The following ATP9B variants were observed in gnomAD, a reference collection of about 807,000 sequenced individuals.
ATP9B encodes probable phospholipid-transporting ATPase IIB.
In ATP9B, 110 loss-of-function variants were observed where a neutral mutation model predicts 146.1. The ratio of observed to expected loss-of-function variants is 0.75; its 90% CI spans 0.65 to 0.88. The LOEUF (loss-of-function observed/expected upper bound fraction) is 0.88. ATP9B is among the 40% of genes least tolerant of loss of function. The pLI is 0.00. For missense variants in ATP9B, 1,499 were observed against 1,496.4 expected (o/e 1.00, Z -0.03); for synonymous variants, 604 against 569.7 (o/e 1.06, Z -0.86).
chr18:79,197,542 T>C (rs7236253), intron 9 of ATP9B, among the ~76,000 whole-genome samples: 22 of 151,890 alleles, frequency 1.4e-4, no homozygotes, highest in Non-Finnish European at 2.8e-4. Context: ...GTAAGTTTTT[T>C]AAAAAATACT....
intron 26 of ATP9B, among the ~76,000 whole-genome samples, chr18:79,366,117 G>A (rs191507394): frequency 1.3e-5 from 2 of 152,320 alleles, no homozygotes; most frequent in South Asian, 2.1e-4. Context: ...TCTTTTTACC[G>A]GACACCTGGG....
intron 9 of ATP9B, 23 bp downstream of exon 9, chr18:79,193,286 T>C: frequency 1.9e-6 from 3 of 1,541,484 alleles, no homozygotes; most frequent in Non-Finnish European, 2.7e-6. Flanking sequence ...TGTTGTTCAA[T>C]ACAAATAGAG....
chr18:79,256,134 A>G (rs991729477), intron 12 of ATP9B, among the ~76,000 whole-genome samples: 1 of 151,334 alleles, frequency 6.6e-6, no homozygotes, highest in African/African-American at 2.4e-5. Flanking sequence ...AATATCATGT[A>G]TGTGCTTTAC....
intron 9 of ATP9B, among the ~76,000 whole-genome samples, chr18:79,203,752 A>G (rs868538536): frequency 9.9e-5 from 15 of 152,236 alleles, no homozygotes; most frequent in Admixed American, 3.9e-4. Context: ...TGTATGCTCA[A>G]TTGGCTGTGC....
intron 11 of ATP9B, among the ~76,000 whole-genome samples, chr18:79,221,285 C>T (rs1319852443): frequency 3.3e-5 from 5 of 152,208 alleles, no homozygotes; most frequent in African/African-American, 4.8e-5. Context: ...TTCATGTCCT[C>T]CTGCAGGACA....
rs886323090 is a variant in ATP9B at position 79,231,770 on chromosome 18, G to A, written c.1107+17732G>A. On this transcript the variant is annotated intron_variant, in intron 11 of 29. Transcript: ENST00000426216. The stretch of plus-strand genomic sequence containing the variant: ...ATCAACGAGTAGATAAAGAAAATGT[G>A]TGTGTGTGTATATATATATATATAT... 9.7e-5 allele frequency among the ~76,000 whole-genome samples: 8 copies of A among 82,882 alleles called. No homozygotes were observed. In the South Asian group the frequency reaches 2.4e-3, roughly 25 times the overall value. The allele number at this position is 82,882 out of a possible 152,430, so 54.4% of individuals were successfully genotyped here. A position where few individuals can be genotyped will look rare whatever the true frequency, so the allele number is the denominator to read the frequency against.
intron 17 of ATP9B, 63 bp downstream of exon 17, chr18:79,330,167 T>C (rs1344733828): frequency 1.4e-6 from 2 of 1,443,892 alleles, no homozygotes. Context: ...TGTGAGTGAC[T>C]CTCAGCCTGG....
rs144915144 is a variant in ATP9B at position 79,218,709 on chromosome 18, C to T, written c.1107+4671C>T. Among the ~76,000 whole-genome samples the T allele has an allele frequency of 1.7e-3, 255 of 152,342 alleles. 1 individual carries two copies. The highest frequency in any genetic ancestry group is 8.1e-3 in the South Asian group (39 of 4,830). ...GGTCACTCAGGGCCTGTCTTGGAAA[C>T]ACATTTCCATGACCACTGGGATAAG... On this transcript the variant is annotated intron_variant, in intron 11 of 29. Coordinates refer to ENST00000426216, the MANE Select transcript of ATP9B (RefSeq NM_198531.5).
chr18:79,359,535 G>A (rs1245861412), intron 26 of ATP9B, 73 bp downstream of exon 26: 1 of 1,169,964 alleles, frequency 8.5e-7, no homozygotes, highest in African/African-American at 1.5e-5. Flanking sequence ...GTGAGAAACA[G>A]GCCAGTCAGG....
intron 11 of ATP9B, among the ~76,000 whole-genome samples, chr18:79,219,272 G>T (rs2095656139): frequency 6.6e-6 from 1 of 152,112 alleles, no homozygotes; most frequent in Non-Finnish European, 1.5e-5. Flanking sequence ...GAGGGAGCCG[G>T]GTCCAGGGTG....
Position 79,329,162 on chromosome 18 carries a change from G to C in ATP9B, c.1795G>C (p.Glu599Gln), listed in dbSNP as rs1377109690. The change falls in exon 16 of 30, where the codon GAG becomes CAG. Residue 599 changes from glutamate (E) to glutamine (Q), a missense_variant. Transcript: ENST00000426216. Reference protein sequence around the residue: ...PDEVALVQWTESVGLTLVSRD... With the variant: ...PDEVALVQWTQSVGLTLVSRD... ...GTAGGTCGCTCTGGTGCAGTGGACA[G>C]AGAGTGTGGGCCTCACGCTGGTCAG... The C allele has an allele frequency of 6.2e-7, 1 of 1,606,824 alleles. No homozygotes were observed. Among genetic ancestry groups the C allele is most frequent in the African/African-American group, 1.3e-5 (1 of 74,716 alleles).
rs1417819205 is a variant in ATP9B, at chr18:79,367,321, ACGCAGAGAAAG to A, written c.3013-5503_3013-5493del. 2.6e-4 allele frequency among the ~76,000 whole-genome samples: 36 copies of A among 137,316 alleles called. 12 individuals carry two copies. The highest frequency in any genetic ancestry group is 8.1e-4 in the African/African-American group (29 of 35,872). The allele number at this position is 137,316 out of a possible 152,430, so 90.1% of individuals were successfully genotyped here. A position where few individuals can be genotyped will look rare whatever the true frequency, so the allele number is the denominator to read the frequency against. On this transcript the variant is annotated intron_variant, in intron 26 of 29. Transcript: ENST00000426216. ...ACATATCTTCACCTCCACCGTGTGTACGCAGAGAAAGTGCCTCCTCAACCAGAGAGCACACA... is the reference window on the plus strand; with the variant it reads ...ACATATCTTCACCTCCACCGTGTGTATGCCTCCTCAACCAGAGAGCACACA...
chr18:79,317,147 G>A (rs1173027503), intron 15 of ATP9B, among the ~76,000 whole-genome samples: 1 of 152,140 alleles, frequency 6.6e-6, no homozygotes, highest in Admixed American at 6.5e-5. Context: ...TAGGTCAGTT[G>A]TTTTGAGGCA....
chr18:79,277,237 T>C (rs1176384752), intron 13 of ATP9B, 41 bp downstream of exon 13: 1 of 1,607,066 alleles, frequency 6.2e-7, no homozygotes, highest in South Asian at 1.1e-5. Context: ...ATGGACAAAA[T>C]GACATTTAAT....
intron 7 of ATP9B, among the ~76,000 whole-genome samples, chr18:79,174,908 G>A (rs539064452): frequency 1.3e-5 from 2 of 152,100 alleles, no homozygotes; most frequent in East Asian, 3.9e-4. Context: ...CCAGTGTAAA[G>A]TTCTTCATCA....
chr18:79,291,565 G>T (rs758528890), intron 13 of ATP9B, among the ~76,000 whole-genome samples: 1 of 152,176 alleles, frequency 6.6e-6, no homozygotes, highest in Admixed American at 6.5e-5. Context: ...AAGAAAGTAC[G>T]TGTGCCACTC....
chr18:79,190,678 T>C (rs1251772034), intron 8 of ATP9B, among the ~76,000 whole-genome samples: 1 of 152,068 alleles, frequency 6.6e-6, no homozygotes, highest in Non-Finnish European at 1.5e-5. Flanking sequence ...CGTGAATAGC[T>C]GGGACTACAG....
intron 13 of ATP9B, chr18:79,299,992 G>A (rs1463644335): frequency 6.6e-6 from 1 of 152,302 alleles, no homozygotes; most frequent in African/African-American, 2.4e-5. Context: ...GCTTTGATTG[G>A]TAAGCAGTGG....
intron 2 of ATP9B, among the ~76,000 whole-genome samples, chr18:79,106,844 C>A (rs559563741): frequency 6.6e-6 from 1 of 152,080 alleles, no homozygotes; most frequent in Non-Finnish European, 1.5e-5. Flanking sequence ...GTGATGGTGA[C>A]GTTAAGGTTT....
Sources: allele counts gnomAD v4.1 joint callset (sites outside exome capture counted in the v4.1 genomes callset), GRCh38; gene constraint gnomAD v4.1.1; transcripts MANE v1.5; gene names NCBI Gene and HGNC (gene_info 2026-07-23, HGNC 2026-07-21).